Variants in ZFP30 observed in about 807,000 individuals in gnomAD.
ZFP30 encodes ZFP30 zinc finger protein, also known as zinc finger protein 30 homolog.
ZFP30 carries 16 observed loss-of-function variants against 12.3 expected under a neutral mutation model. That is an observed-to-expected ratio of 1.30 (90% confidence interval 0.88 to 1.98). ZFP30 has a LOEUF of 1.98. Among genes scored for constraint, ZFP30 ranks in the 30% most tolerant of loss-of-function variants. The probability of loss-of-function intolerance (pLI) is 0.00; values close to 1 mark genes in which losing one functional copy is unlikely to be tolerated. For synonymous variants in ZFP30, 172 were observed against 201.0 expected, an observed-to-expected ratio of 0.86 and a Z score of 1.22; for missense variants, 560 against 611.2, an observed-to-expected ratio of 0.92 and a Z score of 0.88.
Position 37,632,141 on chromosome 19 carries a change from CG to C in ZFP30, c.*2839del, listed in dbSNP as rs2044243805. 1 of 151,242 alleles carries C rather than the reference CG, an allele frequency of 6.6e-6. No individual in the cohort carries two copies. The highest frequency in any genetic ancestry group is 1.5e-5 in the Non-Finnish European group (1 of 67,870). The allele number at this position is 151,242 out of a possible 1,614,324, so 9.4% of individuals were successfully genotyped here. A position where few individuals can be genotyped will look rare whatever the true frequency, so the allele number is the denominator to read the frequency against. On this transcript the variant is annotated 3_prime_UTR_variant, in exon 6 of 6. Coordinates refer to ENST00000684514, the MANE Select transcript of ZFP30 (RefSeq NM_001320669.3). ...ATTCTAAATGTATTCTTTTAGAAAG[CG>C]TATCTTCTAACCGTCTTAATTTTTC...
chr19:37,653,997 C>G (rs966509514), intron 2 of ZFP30, among the ~76,000 whole-genome samples: 2 of 152,152 alleles, frequency 1.3e-5, no homozygotes, highest in Non-Finnish European at 2.9e-5. Context: ...TAGGAAATGA[C>G]TGAGCATCAT....
In ZFP30 at chr19:37,633,890, C is replaced by A. The variant is rs1038706674; in HGVS notation, c.*1091G>T. ...AGATATATCATCTCCTGTGTATAGA[C>A]TTCAGAAATTATCTCTAACAAATAC... On this transcript the variant is annotated 3_prime_UTR_variant, in exon 6 of 6. Transcript: ENST00000684514. 11 of 152,108 alleles carry A rather than the reference C, an allele frequency of 7.2e-5. No homozygotes were observed. Among genetic ancestry groups the A allele is most frequent in the African/African-American group, 2.7e-4 (11 of 41,426 alleles). 9.4% of individuals were successfully genotyped at this position (152,108 alleles called of 1,614,324 possible).
Position 37,632,679 on chromosome 19 carries a change from T to A in ZFP30, c.*2302A>T, listed in dbSNP as rs936963307. On this transcript the variant is annotated 3_prime_UTR_variant, in exon 6 of 6. Coordinates refer to ENST00000684514, the MANE Select transcript of ZFP30 (RefSeq NM_001320669.3). Reference sequence around the variant, plus strand: ...GAAAAATTGAGATACTTAACTTTTTTAAAATAACTAAGTCTTCAGAATCTT... The same window carrying A: ...GAAAAATTGAGATACTTAACTTTTTAAAAATAACTAAGTCTTCAGAATCTT... The A allele has an allele frequency of 5.9e-5, 9 of 152,356 alleles. No individual in the cohort carries two copies. The highest frequency in any genetic ancestry group is 2.4e-5 in the African/African-American group (1 of 41,588). 9.4% of individuals were successfully genotyped at this position (152,356 alleles called of 1,614,324 possible).
intron 5 of ZFP30, among the ~76,000 whole-genome samples, chr19:37,638,917 T>TG (rs1450510284): frequency 6.6e-6 from 1 of 152,210 alleles, no homozygotes; most frequent in African/African-American, 2.4e-5. Flanking sequence ...GTGTGGTCAC[T>TG]GTGACAATTC....
At chr19:37,652,713 G>T (rs757564205) in intron 2 of ZFP30, among the ~76,000 whole-genome samples, 1 of 152,074 alleles carries the variant, frequency 6.6e-6, no homozygotes, top group South Asian at 2.1e-4. Flanking sequence ...TATAGGTTCC[G>T]TAGTTACTAA....
At chr19:37,652,142 G>T (rs1657600860) in intron 2 of ZFP30, among the ~76,000 whole-genome samples, 1 of 152,142 alleles carries the variant, frequency 6.6e-6, no homozygotes, top group South Asian at 2.1e-4. Context: ...GTGGATCACT[G>T]GGATGTCACT....
In ZFP30 at chr19:37,631,520, TAC is replaced by T. The variant is rs1337286822; in HGVS notation, c.*3459_*3460del. On this transcript the variant is annotated 3_prime_UTR_variant, in exon 6 of 6. Coordinates refer to ENST00000684514, the MANE Select transcript of ZFP30 (RefSeq NM_001320669.3). ...ATGGCTTCCCAATTATAACAGCAAA[TAC>T]AGTTCATAATGGATGACCACGGTGA... 6.6e-6 allele frequency: 1 copy of T among 152,038 alleles called. No individual in the cohort carries two copies. Among genetic ancestry groups the T allele is most frequent in the East Asian group, 1.9e-4 (1 of 5,182 alleles). 9.4% of individuals were successfully genotyped at this position (152,038 alleles called of 1,614,324 possible). A position where few individuals can be genotyped will look rare whatever the true frequency, so the allele number is the denominator to read the frequency against.
upstream of ZFP30, chr19:37,655,768 G>A (rs1192132821): frequency 6.6e-6 from 1 of 152,124 alleles, no homozygotes; most frequent in Non-Finnish European, 1.5e-5. Context: ...TTCTCGGCTC[G>A]GAGACAGGCG....
At chr19:37,640,734 ATAAAATAAAATAAAG>A (rs2147266317) in intron 5 of ZFP30, among the ~76,000 whole-genome samples, 1 of 151,654 alleles carries the variant, frequency 6.6e-6, no homozygotes, top group East Asian at 1.9e-4. Flanking sequence ...ATAAAATAAA[ATAAAATAAAATAAAG>A]TAAAATAAAA....
At chr19:37,644,126 C>A (rs967630270) in intron 4 of ZFP30, among the ~76,000 whole-genome samples, 1 of 152,152 alleles carries the variant, frequency 6.6e-6, no homozygotes, top group Non-Finnish European at 1.5e-5. Flanking sequence ...TCATTAAAGA[C>A]CGGTAATAAC....
rs375016645 is a variant in ZFP30, at chr19:37,645,635, T to C, written c.10-899A>G. On this transcript the variant is annotated intron_variant, in intron 3 of 5. Coordinates refer to ENST00000684514, the MANE Select transcript of ZFP30 (RefSeq NM_001320669.3). ...ATAATTTTATTTATTTCCAGACATA[T>C]TCGGGTAATTATCAGAATTTTTCAA... Among the ~76,000 whole-genome samples, 12 of 151,204 alleles carry C rather than the reference T, an allele frequency of 7.9e-5. No individual in the cohort carries two copies. In the East Asian group the frequency reaches 9.7e-4, roughly 12 times the overall value.
At chr19:37,652,556 G>A (rs550409246) in intron 2 of ZFP30, among the ~76,000 whole-genome samples, 9 of 152,028 alleles carry the variant, frequency 5.9e-5, no homozygotes, top group Non-Finnish European at 4.4e-5. Flanking sequence ...AAACAAGAGC[G>A]AAACTCCACC....
intron 2 of ZFP30, among the ~76,000 whole-genome samples, chr19:37,650,495 T>C (rs1322404913): frequency 6.6e-6 from 1 of 152,148 alleles, no homozygotes; most frequent in Non-Finnish European, 1.5e-5. Flanking sequence ...CTCCAACAGT[T>C]CCATCCCTGC....
At position 37,636,202 on chromosome 19, in the gene ZFP30, T is replaced by A; in HGVS notation, c.339A>T (p.Gly113=). The A allele has an allele frequency of 6.2e-7, 1 of 1,614,128 alleles. No individual in the cohort carries two copies. The highest frequency in any genetic ancestry group is 8.5e-7 in the Non-Finnish European group (1 of 1,180,034). The part of the protein sequence containing the change: ...WKVMERIKSC[G]LEEQESPHEV... ...CATGAGGACTTTCTTGTTCTTCAAG[T>A]CCACAGCTTTTAATTCTTTCCATTA... The change falls in exon 6 of 6, where the codon GGA becomes GGT. Residue 113 remains glycine, a synonymous_variant. Transcript: ENST00000684514.
At position 37,631,459 on chromosome 19, in the gene ZFP30, A is replaced by G. The variant is rs1373809281; in HGVS notation, c.*3522T>C. 1 of 152,164 alleles carries G rather than the reference A, an allele frequency of 6.6e-6. No individual in the cohort carries two copies. The highest frequency in any genetic ancestry group is 2.4e-5 in the African/African-American group (1 of 41,434). The allele number at this position is 152,164 out of a possible 1,614,324, so 9.4% of individuals were successfully genotyped here. ...GCTATCAAGTTTCATATTCCATTTG[A>G]GAAATGGAATATAATGATGTAATAC... On this transcript the variant is annotated 3_prime_UTR_variant, in exon 6 of 6. Coordinates refer to ENST00000684514, the MANE Select transcript of ZFP30 (RefSeq NM_001320669.3).
In ZFP30 at chr19:37,635,435, A is replaced by T. The variant is rs1448652646; in HGVS notation, c.1106T>A (p.Leu369Gln). 6.2e-7 allele frequency: 1 copy of T among 1,614,186 alleles called. No individual in the cohort carries two copies. The highest frequency in any genetic ancestry group is 8.5e-7 in the Non-Finnish European group (1 of 1,180,034). ...AGTATGTATTCTCTGATGGAGAGTTAGATGATAGCCACGACTGAAAGTCTT... is the reference window on the plus strand; with the variant it reads ...AGTATGTATTCTCTGATGGAGAGTTTGATGATAGCCACGACTGAAAGTCTT... ...CGKTFSRGYH[L>Q]TLHQRIHTGE... The change falls in exon 6 of 6, where the codon CTA (leucine) becomes CAA (glutamine). Residue 369 changes from leucine to glutamine, a missense_variant. Transcript: ENST00000684514.
At chr19:37,651,355 T>C (rs2044645999) in intron 2 of ZFP30, 1 of 151,870 alleles carries the variant, frequency 6.6e-6, no homozygotes, top group Admixed American at 6.6e-5. Flanking sequence ...GGCGGGTAGA[T>C]CACGAGGTCA....
intron 3 of ZFP30, among the ~76,000 whole-genome samples, chr19:37,645,798 G>A (rs987408425): frequency 6.6e-6 from 1 of 151,750 alleles, no homozygotes; most frequent in Non-Finnish European, 1.5e-5. Context: ...CCCAAAAAAT[G>A]AACTGTAAAA....
At chr19:37,648,539 C>T (rs1047434817) in intron 2 of ZFP30, among the ~76,000 whole-genome samples, 11 of 151,988 alleles carry the variant, frequency 7.2e-5, no homozygotes, top group Non-Finnish European at 8.8e-5. Context: ...GTTTGGTAGT[C>T]AAACTTTAGT....
Sources: allele counts gnomAD v4.1 joint callset (sites outside exome capture counted in the v4.1 genomes callset), GRCh38; gene constraint gnomAD v4.1.1; transcripts MANE v1.5; gene names NCBI Gene and HGNC (gene_info 2026-07-23, HGNC 2026-07-21).